Variants in LAMA3 observed in about 807,000 individuals in gnomAD.
LAMA3 encodes laminin subunit alpha 3, also known as laminin subunit alpha-3.
LAMA3 carries 281 observed loss-of-function variants against 402.0 expected under a neutral mutation model. That is an observed-to-expected ratio of 0.70 (90% CI 0.63 to 0.77). The LOEUF (loss-of-function observed/expected upper bound fraction) is 0.77. Among genes scored for constraint, LAMA3 ranks in the 30% least tolerant of loss-of-function variants. The pLI is 0.00. For synonymous variants in LAMA3, 1,431 were observed against 1,558.4 expected (o/e 0.92, Z 1.93); for missense variants, 3,840 against 4,215.5 (o/e 0.91, Z 2.47).
At chr18:23,866,308 A>T (rs955284) in intron 36 of LAMA3, among the ~76,000 whole-genome samples, 222 of 152,330 alleles carry the variant, frequency 1.5e-3, no homozygotes, top group South Asian at 5.8e-3. Flanking sequence ...GATTAATGCG[A>T]TGTAATGATA....
At position 23,901,227 on chromosome 18, in the gene LAMA3, C is replaced by T. The variant is rs1010544040; in HGVS notation, c.6105C>T (p.Leu2035=). 1.9e-6 allele frequency: 3 copies of T among 1,614,034 alleles called. No homozygotes were observed. The highest frequency in any genetic ancestry group is 1.7e-5 in the Admixed American group (1 of 60,004). Residue 2035 remains leucine, a synonymous_variant, in exon 48 of 75, where the codon CTC becomes CTT. Transcript: ENST00000313654. ...CTTTAAATGAATACGAAGCCAAACT[C>T]AGTGACCTTCGTGCTCGGCTGCAGG... is the stretch of plus-strand genomic sequence containing the variant. The part of the protein sequence containing the change: ...RDSLNEYEAK[L]SDLRARLQEA...
At chr18:23,705,450 TACACACAC>T (rs35025245) in intron 1 of LAMA3, among the ~76,000 whole-genome samples, 6 of 145,494 alleles carry the variant, frequency 4.1e-5, no homozygotes, top group Admixed American at 1.4e-4. Context: ...TATCATGACA[TACACACAC>T]ACACACACAC....
rs1237688115 is a variant in LAMA3, at chr18:23,909,257, C to T, written c.7120C>T (p.Arg2374Ter). The change falls in exon 55 of 75, where the codon CGA (arginine) becomes TGA (stop). Residue 2374 changes from arginine to a stop codon, truncating the protein, a stop_gained. Transcript: ENST00000313654. LOFTEE classifies it high-confidence loss of function. ...CATCTCTGACAACATGGACAGAATACGAGAACTAATTCAGCAGGCCAGAGA... is the reference window on the plus strand; with the variant it reads ...CATCTCTGACAACATGGACAGAATATGAGAACTAATTCAGCAGGCCAGAGA... ...GNISDNMDRI[R>*]ELIQQARDAA... The T allele has an allele frequency of 1.2e-6, 2 of 1,613,428 alleles. No individual in the cohort carries two copies. The highest frequency in any genetic ancestry group is 1.7e-6 in the Non-Finnish European group (2 of 1,179,972).
intron 60 of LAMA3, among the ~76,000 whole-genome samples, chr18:23,920,447 G>C (rs1423207335): frequency 6.6e-6 from 1 of 152,104 alleles, no homozygotes; most frequent in East Asian, 1.9e-4. Context: ...GGAGGAAGGA[G>C]TCCTGTGTAG....
intron 38 of LAMA3, chr18:23,872,983 G>A: frequency 6.2e-7 from 1 of 1,607,056 alleles, no homozygotes; most frequent in East Asian, 2.2e-5. Flanking sequence ...TGAGCAGGAA[G>A]GGCAGGTATA....
chr18:23,872,959 G>A (rs980171466), intron 38 of LAMA3: 1 of 1,560,082 alleles, frequency 6.4e-7, no homozygotes, highest in African/African-American at 1.4e-5. Flanking sequence ...CCTGAGTCAG[G>A]CAGGCCCGGG....
intron 59 of LAMA3, among the ~76,000 whole-genome samples, chr18:23,915,966 A>G (rs1222396329): frequency 1.5e-5 from 2 of 135,972 alleles, no homozygotes; most frequent in East Asian, 4.5e-4. Context: ...AGATCATGCC[A>G]CTGCACTCCA....
chr18:23,709,576 TA>T (rs1337758131), intron 1 of LAMA3, among the ~76,000 whole-genome samples: 1 of 152,064 alleles, frequency 6.6e-6, no homozygotes, highest in East Asian at 1.9e-4. Context: ...TATAAATATA[TA>T]AGACCTTTTA....
chr18:23,706,081 CT>C (rs1568096414), intron 1 of LAMA3, among the ~76,000 whole-genome samples: 1 of 151,980 alleles, frequency 6.6e-6, no homozygotes, highest in Non-Finnish European at 1.5e-5. Context: ...GTATATCATG[CT>C]TTTTTCACTT....
At chr18:23,841,424 A>G (rs1598898558) in intron 27 of LAMA3, among the ~76,000 whole-genome samples, 2 of 152,114 alleles carry the variant, frequency 1.3e-5, no homozygotes, top group Admixed American at 1.3e-4. Flanking sequence ...ACTCGTTTTC[A>G]TGGTGGGAGT....
chr18:23,822,217 T>C, intron 19 of LAMA3, 35 bp from the exon 20 acceptor site: 1 of 1,613,282 alleles, frequency 6.2e-7, no homozygotes, highest in Non-Finnish European at 8.5e-7. Context: ...TTAACCATTT[T>C]TTTCTATGCT....
chr18:23,876,438 C>A, intron 39 of LAMA3, 31 bp downstream of exon 39: 3 of 1,385,880 alleles, frequency 2.2e-6, no homozygotes, highest in East Asian at 4.6e-5. Context: ...ATGCTATCAG[C>A]AGACAATCTG....
At chr18:23,932,654 G>A (rs2082196269) in intron 66 of LAMA3, 1 of 285,480 alleles carries the variant, frequency 3.5e-6, no homozygotes, top group South Asian at 4.0e-5. Flanking sequence ...GGAACTGCAT[G>A]GACCAGTGCT....
chr18:23,863,632 G>A (rs1350043629), intron 35 of LAMA3, among the ~76,000 whole-genome samples: 3 of 152,180 alleles, frequency 2.0e-5, no homozygotes, highest in Admixed American at 6.5e-5. Flanking sequence ...GCTCTGTAAG[G>A]CTTTGTCAGG....
intron 72 of LAMA3, among the ~76,000 whole-genome samples, chr18:23,951,011 G>T (rs2082889824): frequency 6.6e-6 from 1 of 152,164 alleles, no homozygotes; most frequent in Non-Finnish European, 1.5e-5. Flanking sequence ...CTCAAAAATT[G>T]CCTGTGAATA....
At chr18:23,740,407 A>T (rs1385916589) in intron 2 of LAMA3, among the ~76,000 whole-genome samples, 1 of 146,066 alleles carries the variant, frequency 6.8e-6, no homozygotes, top group African/African-American at 2.5e-5. Context: ...TTGTCTTACC[A>T]TTTTTTTTTT....
In LAMA3 at chr18:23,855,004, TA is replaced by T. The variant is rs1166791645; in HGVS notation, c.4137-2833del. ...GTCTCAAAAATAAATAAATAAAAAA[TA>T]AAAAAATTTAAAAAAATAAACCACA... On this transcript the variant is annotated intron_variant, in intron 32 of 74. Transcript: ENST00000313654. Among the ~76,000 whole-genome samples the T allele has an allele frequency of 9.8e-4, 47 of 48,152 alleles. 1 individual carries two copies. The highest frequency in any genetic ancestry group is 5.0e-3 in the South Asian group (9 of 1,808). The allele number at this position is 48,152 out of a possible 152,430, so 31.6% of individuals were successfully genotyped here.
rs545770607 is a variant in LAMA3 at position 23,709,087 on chromosome 18, T to C, written c.295-4833T>C. ...GAGGTTTTTTCTTTTTTCTTTTTTTTTGAGACAGGGTCTTGCTCTGTTGCC... is the reference window on the plus strand; with the variant it reads ...GAGGTTTTTTCTTTTTTCTTTTTTTCTGAGACAGGGTCTTGCTCTGTTGCC... On this transcript the variant is annotated intron_variant, in intron 1 of 74. Coordinates refer to ENST00000313654, the MANE Select transcript of LAMA3 (RefSeq NM_198129.4). 1.6e-4 allele frequency among the ~76,000 whole-genome samples: 24 copies of C among 151,930 alleles called. No individual in the cohort carries two copies. The South Asian group carries it at 5.0e-3, about 32-fold the overall frequency.
chr18:23,909,134 T>A lies in LAMA3; in HGVS notation c.7016-19T>A, dbSNP rs1395239820. The A allele has an allele frequency of 3.7e-6, 6 of 1,600,460 alleles. No individual in the cohort carries two copies. Among genetic ancestry groups the A allele is most frequent in the Non-Finnish European group, 5.1e-6 (6 of 1,168,496 alleles). On this transcript the variant is annotated intron_variant, in intron 54 of 74. Coordinates refer to ENST00000313654, the MANE Select transcript of LAMA3 (RefSeq NM_198129.4). ...CTTAATGCACAATCTTACATTTCTA[T>A]TTTTTTTCTCACCAACAGTGAATAA...
Sources: allele counts gnomAD v4.1 joint callset (sites outside exome capture counted in the v4.1 genomes callset), GRCh38; gene constraint gnomAD v4.1.1; transcripts MANE v1.5; gene names NCBI Gene and HGNC (gene_info 2026-07-23, HGNC 2026-07-21).